RP1: variants seen among roughly 807,000 people sequenced by gnomAD.
RP1 encodes oxygen-regulated protein 1.
Under a neutral mutation model 14.8 loss-of-function variants are expected in RP1, and 16 were observed. The observed-to-expected ratio is 1.08, with a 90% CI of 0.73 to 1.65. The LOEUF (loss-of-function observed/expected upper bound fraction) is 1.65, where lower values mean the gene tolerates loss of function less well. Ranked by LOEUF, RP1 falls within the 40% of genes most tolerant of loss-of-function variation. The probability of loss-of-function intolerance (pLI) is 0.00; values close to 1 mark genes in which losing one functional copy is unlikely to be tolerated. For missense variants in RP1, 2,631 were observed against 2,535.0 expected, an observed-to-expected ratio of 1.04 and a Z score of -0.81; for synonymous variants, 876 against 883.6, an observed-to-expected ratio of 0.99 and a Z score of 0.15.
chr8:54,780,385 G>T (rs141130220), intron 23 of RP1, among the ~76,000 whole-genome samples: 1 of 152,332 alleles, frequency 6.6e-6, no homozygotes, highest in Non-Finnish European at 1.5e-5. Flanking sequence ...TGGTTTGATT[G>T]ATCATCGAAC....
chr8:54,768,909 T>C (rs1809832499), intron 22 of RP1, among the ~76,000 whole-genome samples: 1 of 151,404 alleles, frequency 6.6e-6, no homozygotes, highest in Non-Finnish European at 1.5e-5. Flanking sequence ...TTTTTTTTTT[T>C]TTTTTGAGAC....
chr8:54,775,625 G>A (rs1810017133), intron 23 of RP1, among the ~76,000 whole-genome samples: 2 of 152,310 alleles, frequency 1.3e-5, no homozygotes, highest in Middle Eastern at 6.8e-3. Flanking sequence ...TTGACACTAT[G>A]TGGAGCAGAG....
chr8:54,651,973 A>C (rs1806663554), intron 4 of RP1, among the ~76,000 whole-genome samples: 1 of 147,382 alleles, frequency 6.8e-6, no homozygotes, highest in Non-Finnish European at 1.5e-5. Context: ...TTGTTCTTTG[A>C]CCTATTTGTT....
At chr8:54,559,397 G>A (rs1239049010) in intron 1 of RP1, 1 of 152,104 alleles carries the variant, frequency 6.6e-6, no homozygotes, top group Non-Finnish European at 1.5e-5. Flanking sequence ...TTTATAATTA[G>A]GCTTTTTAAA....
At chr8:54,654,521 T>A (rs1235867901) in intron 5 of RP1, among the ~76,000 whole-genome samples, 1 of 152,220 alleles carries the variant, frequency 6.6e-6, no homozygotes, top group African/African-American at 2.4e-5. Context: ...TCTCATGGGT[T>A]CTCAGGAAGC....
intron 24 of RP1, among the ~76,000 whole-genome samples, chr8:54,802,088 G>A (rs1201186327): frequency 6.6e-6 from 1 of 152,014 alleles, no homozygotes; most frequent in Non-Finnish European, 1.5e-5. Flanking sequence ...ATGTATAAAG[G>A]CTCAGTAACC....
At chr8:54,671,924 A>G (rs1361589461) in intron 7 of RP1, among the ~76,000 whole-genome samples, 1 of 152,132 alleles carries the variant, frequency 6.6e-6, no homozygotes, top group Non-Finnish European at 1.5e-5. Context: ...TTGAACATTT[A>G]GAAATACAAC....
chr8:54,857,911 G>C (rs993348973), intron 27 of RP1, among the ~76,000 whole-genome samples: 1 of 152,086 alleles, frequency 6.6e-6, no homozygotes, highest in African/African-American at 2.4e-5. Context: ...CAGTTCTACT[G>C]CTAAAATGTA....
intron 1 of RP1, among the ~76,000 whole-genome samples, chr8:54,595,514 G>A (rs1805123093): frequency 6.6e-6 from 1 of 152,144 alleles, no homozygotes; most frequent in Non-Finnish European, 1.5e-5. Flanking sequence ...TTAGCAAACT[G>A]CAATCTTTTA....
chr8:54,580,799 A>G (rs1205409895), intron 1 of RP1, among the ~76,000 whole-genome samples: 1 of 151,726 alleles, frequency 6.6e-6, no homozygotes, highest in Non-Finnish European at 1.5e-5. Flanking sequence ...TTGTATTTTT[A>G]GTAGAGACGG....
intron 2 of RP1, 61 bp from the exon 3 acceptor site, chr8:54,622,056 T>C: frequency 1.3e-6 from 2 of 1,560,618 alleles, no homozygotes; most frequent in East Asian, 4.5e-5. Flanking sequence ...AGCAAAGTTA[T>C]AAAATTACCA....
At chr8:54,591,351 T>C (rs904219370) in intron 1 of RP1, among the ~76,000 whole-genome samples, 4 of 152,174 alleles carry the variant, frequency 2.6e-5, no homozygotes, top group Non-Finnish European at 5.9e-5. Flanking sequence ...TTCCGTCCTT[T>C]GAGTATCCCC....
At chr8:54,773,293 G>C (rs566354327), downstream of RP1, among the ~76,000 whole-genome samples, 2 of 152,134 alleles carry the variant, frequency 1.3e-5, no homozygotes, top group East Asian at 3.9e-4. Context: ...AACAATTTTT[G>C]TTGTAATTTA....
intron 7 of RP1, among the ~76,000 whole-genome samples, chr8:54,666,754 C>A (rs929022418): frequency 6.6e-6 from 1 of 151,830 alleles, no homozygotes; most frequent in African/African-American, 2.4e-5. Flanking sequence ...ATTTTCCTTG[C>A]TTACTCTGCA....
chr8:54,648,982 T>C (rs1262120703), intron 3 of RP1: 1 of 1,496,886 alleles, frequency 6.7e-7, no homozygotes, highest in African/African-American at 1.4e-5. Context: ...TTTTCTTTTA[T>C]AGGTAGTAAC....
chr8:54,675,065 A>T (rs1417253289), intron 8 of RP1, among the ~76,000 whole-genome samples: 2 of 152,156 alleles, frequency 1.3e-5, no homozygotes, highest in African/African-American at 4.8e-5. Context: ...TTTAAACAGA[A>T]ATAAAGGCAA....
At position 54,850,032 on chromosome 8, in the gene RP1, C is replaced by T. The variant is rs567632734; in HGVS notation, c.3836-2542C>T. ...TTGTCATATAAGGTTTTCATAAGCA[C>T]CTGAAGTTAGTTGCTAATTGTCAGA... is the stretch of plus-strand genomic sequence containing the variant. On this transcript the variant is annotated intron_variant, in intron 25 of 28. Coordinates refer to the RP1 transcript ENST00000637698. 5.3e-5 allele frequency among the ~76,000 whole-genome samples: 8 copies of T among 152,214 alleles called. No homozygotes were observed. In the South Asian group the frequency reaches 1.7e-3, roughly 32 times the overall value.
At chr8:54,839,262 C>T (rs940959994) in intron 25 of RP1, among the ~76,000 whole-genome samples, 1 of 152,182 alleles carries the variant, frequency 6.6e-6, no homozygotes, top group Non-Finnish European at 1.5e-5. Context: ...ACATTTTCAT[C>T]TTCAGTCCTG....
At chr8:54,758,840 T>G in intron 21 of RP1, 28 of 1,392,076 alleles carry the variant, frequency 2.0e-5, no homozygotes, top group East Asian at 7.6e-5. Flanking sequence ...TGGCAGTCGT[T>G]TAACTATTAT....
Sources: gnomAD v4.1 joint callset for allele counts (sites outside exome capture counted in the v4.1 genomes callset) on GRCh38, gnomAD v4.1.1 for gene constraint, MANE v1.5 for transcripts, NCBI Gene and HGNC (gene_info 2026-07-23, HGNC 2026-07-21) for gene names.